Variants in JMJD1C observed in about 807,000 individuals in gnomAD.
JMJD1C encodes the protein jumonji domain containing 1C.
Under a neutral mutation model 245.3 loss-of-function variants are expected in JMJD1C, and 31 were observed. The ratio of observed to expected loss-of-function variants is 0.13; its 90% CI spans 0.09 to 0.17. The LOEUF is 0.17. Among genes scored for constraint, JMJD1C ranks in the 10% least tolerant of loss-of-function variants. The pLI is 1.00. For missense variants in JMJD1C, 2,691 were observed against 3,000.2 expected, an observed-to-expected ratio of 0.90 and a Z score of 2.41; for synonymous variants, 1,057 against 1,017.4, an observed-to-expected ratio of 1.04 and a Z score of -0.74.
At chr10:63,196,983 G>T (rs1388044427) in intron 13 of JMJD1C, among the ~76,000 whole-genome samples, 9 of 150,002 alleles carry the variant, frequency 6.0e-5, no homozygotes, top group Admixed American at 5.3e-4. Context: ...TTTTTTTTTT[G>T]TAGAGATGGG....
chr10:63,209,617 T>G (rs1847085639), intron 8 of JMJD1C, among the ~76,000 whole-genome samples: 1 of 152,180 alleles, frequency 6.6e-6, no homozygotes, highest in African/African-American at 2.4e-5. Context: ...TAAAACACAT[T>G]TCATCAGAAA....
At chr10:63,410,925 C>T (rs1949437887) in intron 1 of JMJD1C, among the ~76,000 whole-genome samples, 1 of 152,148 alleles carries the variant, frequency 6.6e-6, no homozygotes, top group Non-Finnish European at 1.5e-5. Context: ...ACTGTTGAAA[C>T]CATGGAGAAA....
chr10:63,445,770 A>G (rs1951676229), intron 1 of JMJD1C, among the ~76,000 whole-genome samples: 1 of 152,168 alleles, frequency 6.6e-6, no homozygotes, highest in Non-Finnish European at 1.5e-5. Flanking sequence ...AATAGACTCA[A>G]CAGACTCTTA....
intron 1 of JMJD1C, among the ~76,000 whole-genome samples, chr10:63,398,648 T>A (rs2393972): frequency 0.65 from 91,034 of 139,644 alleles, 30,381 homozygotes; most frequent in Non-Finnish European, 0.78. Flanking sequence ...AAAAAAAATT[T>A]TTTTTTTTTT....
intron 1 of JMJD1C, among the ~76,000 whole-genome samples, chr10:63,392,575 C>T (rs910788070): frequency 6.6e-6 from 1 of 151,816 alleles, no homozygotes; most frequent in East Asian, 1.9e-4. Context: ...GCCTGTAATC[C>T]CAGAACTTTA....
intron 2 of JMJD1C, among the ~76,000 whole-genome samples, chr10:63,358,511 C>G (rs1331819783): frequency 6.6e-6 from 1 of 151,790 alleles, no homozygotes; most frequent in Non-Finnish European, 1.5e-5. Context: ...AAGATCCTGT[C>G]TCTTTAATAC....
intron 1 of JMJD1C, among the ~76,000 whole-genome samples, chr10:63,493,249 C>CTTTTTTTTTTTTTTTTTTTTTTTTTTT: frequency 2.0e-5 from 1 of 49,136 alleles, no homozygotes; most frequent in Non-Finnish European, 3.4e-5. Flanking sequence ...ACTGTTATTT[C>CTTTTTTTTTTTTTTTTTTTTTTTTTTT]TTTTTTTTTT....
chr10:63,179,148 ACCTG>A (rs770553477), intron 22 of JMJD1C, among the ~76,000 whole-genome samples: 61 of 151,996 alleles, frequency 4.0e-4, no homozygotes, highest in Non-Finnish European at 7.2e-4. Flanking sequence ...GTGGGATTAC[ACCTG>A]TAATCCCAGC....
Position 63,459,859 on chromosome 10 carries a change from G to A in JMJD1C, c.168+5636C>T, listed in dbSNP as rs539766523. ...TTCTCCCAAAATGAAAACTCCATAA[G>A]AGAAAAATCCACAGTAGTATGTAGG... On this transcript the variant is annotated intron_variant, in intron 1 of 25. Transcript: ENST00000399262. 2.9e-4 allele frequency among the ~76,000 whole-genome samples: 44 copies of A among 152,296 alleles called. No homozygotes were observed. The South Asian group carries it at 9.1e-3, about 32-fold the overall frequency.
rs557997544 is a variant in JMJD1C, at chr10:63,402,024, C to T, written c.169-21542G>A. 1.2e-3 allele frequency among the ~76,000 whole-genome samples: 176 copies of T among 151,886 alleles called. 1 individual carries two copies. The highest frequency in any genetic ancestry group is 1.9e-3 in the Non-Finnish European group (127 of 67,970). On this transcript the variant is annotated intron_variant, in intron 1 of 25. Transcript: ENST00000399262. ...TGGTGCATGCCTGTAATGTCAGCTA[C>T]TCGGGAAGCTGAGGAAAGAGAATCG... is the stretch of plus-strand genomic sequence containing the variant.
Position 63,215,698 on chromosome 10 carries a change from TA to T in JMJD1C, c.679-3del, listed in dbSNP as rs1847897151. The stretch of plus-strand genomic sequence containing the variant: ...ATCGACATTCTGTGGTTCTAGTACC[TA>T]ATCCATGATACAAAACAAAAACAAA... On this transcript the variant is annotated splice_polypyrimidine_tract_variant and splice_region_variant and intron_variant, in intron 5 of 25. Transcript: ENST00000399262. 6.5e-7 allele frequency: 1 copy of T among 1,546,212 alleles called. No homozygotes were observed. Among genetic ancestry groups the T allele is most frequent in the African/African-American group, 1.4e-5 (1 of 72,558 alleles).
At chr10:63,206,288 G>A (rs1275433302) in intron 10 of JMJD1C, among the ~76,000 whole-genome samples, 1 of 152,092 alleles carries the variant, frequency 6.6e-6, no homozygotes, top group Non-Finnish European at 1.5e-5. Flanking sequence ...TCTTAGAAAT[G>A]GCCAAAATTA....
At chr10:63,390,253 T>C (rs936648962) in intron 1 of JMJD1C, among the ~76,000 whole-genome samples, 1 of 151,990 alleles carries the variant, frequency 6.6e-6, no homozygotes, top group Admixed American at 6.6e-5. Flanking sequence ...TATGAACAAC[T>C]ATACAAAAAC....
intron 2 of JMJD1C, among the ~76,000 whole-genome samples, chr10:63,342,614 A>G (rs1457530080): frequency 6.6e-6 from 1 of 152,224 alleles, no homozygotes; most frequent in East Asian, 1.9e-4. Flanking sequence ...AATATCTGAT[A>G]CAGGTATTCT....
chr10:63,412,377 C>T (rs1295996399), intron 1 of JMJD1C, among the ~76,000 whole-genome samples: 1 of 152,148 alleles, frequency 6.6e-6, no homozygotes, highest in Non-Finnish European at 1.5e-5. Flanking sequence ...TGGTATCATT[C>T]GAAGTTTGCG....
intron 3 of JMJD1C, chr10:63,222,325 T>G (rs1848692948): frequency 7.5e-7 from 1 of 1,332,036 alleles, no homozygotes; most frequent in Non-Finnish European, 1.1e-6. Context: ...TACAAGACAG[T>G]AAAGATGCAC....
chr10:63,460,291 AG>A (rs764617188), intron 1 of JMJD1C, among the ~76,000 whole-genome samples: 1 of 152,140 alleles, frequency 6.6e-6, no homozygotes, highest in Non-Finnish European at 1.5e-5. Flanking sequence ...CCAAGGTGGG[AG>A]GCTCACTTGA....
intron 1 of JMJD1C, among the ~76,000 whole-genome samples, chr10:63,414,108 T>A (rs959008208): frequency 8.6e-5 from 13 of 150,990 alleles, no homozygotes; most frequent in African/African-American, 3.2e-4. Flanking sequence ...TGCCTCAGCC[T>A]CCCGAGTAGC....
chr10:63,306,957 T>C (rs1938335119), intron 2 of JMJD1C, among the ~76,000 whole-genome samples: 1 of 152,226 alleles, frequency 6.6e-6, no homozygotes, highest in Non-Finnish European at 1.5e-5. Flanking sequence ...CATTTACTTT[T>C]TTAAAGATCT....
Sources: gnomAD v4.1 joint callset for allele counts (sites outside exome capture counted in the v4.1 genomes callset) on GRCh38, gnomAD v4.1.1 for gene constraint, MANE v1.5 for transcripts, NCBI Gene and HGNC (gene_info 2026-07-23, HGNC 2026-07-21) for gene names.